Variants in RBFOX1 observed in about 807,000 individuals in gnomAD.
The protein encoded by RBFOX1 is RNA binding protein fox-1 homolog 1.
In RBFOX1, 8 loss-of-function variants were observed where a neutral mutation model predicts 57.7. That is an observed-to-expected ratio of 0.14 (90% confidence interval 0.08 to 0.25). The LOEUF is 0.25. Ranked by LOEUF, RBFOX1 falls within the 10% of genes least tolerant of loss-of-function variation. The pLI is 1.00. For missense variants in RBFOX1, 611 were observed against 548.5 expected, an observed-to-expected ratio of 1.11 and a Z score of -1.14; for synonymous variants, 326 against 222.4, an observed-to-expected ratio of 1.47 and a Z score of -4.15.
chr16:7,405,176 C>G (rs549601810), intron 4 of RBFOX1, among the ~76,000 whole-genome samples: 37 of 152,282 alleles, frequency 2.4e-4, no homozygotes, highest in African/African-American at 8.9e-4. Context: ...CTCATTCTAG[C>G]AAGAAAGCTC....
At chr16:6,949,174 C>G (rs762529503) in intron 3 of RBFOX1, among the ~76,000 whole-genome samples, 58 of 151,520 alleles carry the variant, frequency 3.8e-4, no homozygotes, top group African/African-American at 1.3e-3. Flanking sequence ...CCTGAAAAGT[C>G]TAAGGTCTAG....
intron 4 of RBFOX1, among the ~76,000 whole-genome samples, chr16:5,937,518 A>G (rs1324128652): frequency 1.3e-5 from 2 of 151,974 alleles, no homozygotes; most frequent in African/African-American, 2.4e-5. Flanking sequence ...TTTGCAGGCA[A>G]CTATATGATA....
chr16:6,553,393 A>G (rs1401158334), intron 2 of RBFOX1, among the ~76,000 whole-genome samples: 1 of 152,236 alleles, frequency 6.6e-6, no homozygotes, highest in African/African-American at 2.4e-5. Flanking sequence ...AACGTCTATC[A>G]AGGATGGATA....
intron 1 of RBFOX1, among the ~76,000 whole-genome samples, chr16:6,086,596 G>C (rs1186586326): frequency 1.3e-5 from 2 of 152,176 alleles, no homozygotes; most frequent in African/African-American, 4.8e-5. Flanking sequence ...CTATACTGCT[G>C]ACTGGGCTGG....
In RBFOX1 at chr16:6,654,563, G is replaced by C. The variant is rs568988826; in HGVS notation, c.-63-40G>C. The C allele has an allele frequency of 2.7e-5, 39 of 1,466,448 alleles. 1 individual carries two copies. In the East Asian group the frequency reaches 6.2e-4, roughly 23 times the overall value. The allele number at this position is 1,466,448 out of a possible 1,614,324, so 90.8% of individuals were successfully genotyped here. ...TTCTCTGACCATAAGTCTGACTCCT[G>C]TTCTTTCTCTCACTTTCCTTTCTTT... On this transcript the variant is annotated intron_variant, in intron 2 of 15. Coordinates refer to ENST00000550418, the MANE Select transcript of RBFOX1 (RefSeq NM_018723.4).
chr16:5,924,818 G>A (rs2058908119), intron 4 of RBFOX1, among the ~76,000 whole-genome samples: 1 of 152,092 alleles, frequency 6.6e-6, no homozygotes, highest in South Asian at 2.1e-4. Flanking sequence ...CAGATACTGT[G>A]TTCCTTCCCA....
At chr16:5,868,319 A>G (rs1345208957) in intron 4 of RBFOX1, among the ~76,000 whole-genome samples, 2 of 144,642 alleles carry the variant, frequency 1.4e-5, no homozygotes, top group African/African-American at 5.8e-5. Flanking sequence ...GGAGGTATTT[A>G]TATCCTACTG....
chr16:6,653,442 A>G (rs934865782), intron 2 of RBFOX1, among the ~76,000 whole-genome samples: 6 of 152,144 alleles, frequency 3.9e-5, no homozygotes, highest in African/African-American at 1.4e-4. Context: ...CTTCCATTTG[A>G]ATAAGTTAAT....
chr16:6,612,863 AAAT>A (rs60899951), intron 2 of RBFOX1, among the ~76,000 whole-genome samples: 4 of 132,242 alleles, frequency 3.0e-5, no homozygotes, highest in Admixed American at 7.9e-5. Flanking sequence ...AAAAAAAAAA[AAAT>A]AATAATAATA....
chr16:6,286,047 A>T (rs939865896), intron 1 of RBFOX1, among the ~76,000 whole-genome samples: 6 of 152,202 alleles, frequency 3.9e-5, no homozygotes, highest in African/African-American at 1.4e-4. Flanking sequence ...AATATTAATT[A>T]TACACCATTT....
rs114414144 is a variant in RBFOX1, at chr16:5,363,896, C to T, written c.220-103320C>T. ...CTGCCTAGGCGTTTGCCCTGGTGGA[C>T]GACCAGTGCTGACTGAGCTCTCGCC... is the stretch of plus-strand genomic sequence containing the variant. On this transcript the variant is annotated intron_variant, in intron 1 of 2. Transcript: ENST00000585867. Among the ~76,000 whole-genome samples, 1,201 of 152,278 alleles carry T rather than the reference C, an allele frequency of 7.9e-3. 17 individuals carry two copies. The highest frequency in any genetic ancestry group is 0.027 in the African/African-American group (1,139 of 41,538).
At chr16:6,578,348 C>T (rs147302484) in intron 2 of RBFOX1, among the ~76,000 whole-genome samples, 2 of 152,186 alleles carry the variant, frequency 1.3e-5, no homozygotes, top group South Asian at 2.1e-4. Flanking sequence ...GCAATGTCCC[C>T]GGGACACAGC....
At chr16:6,738,349 A>G (rs1188559911) in intron 3 of RBFOX1, among the ~76,000 whole-genome samples, 1 of 152,122 alleles carries the variant, frequency 6.6e-6, no homozygotes, top group African/African-American at 2.4e-5. Flanking sequence ...GTATTGAGGA[A>G]GTGGAACTGA....
intron 3 of RBFOX1, among the ~76,000 whole-genome samples, chr16:6,878,613 G>C (rs563926843): frequency 6.6e-6 from 1 of 152,152 alleles, no homozygotes; most frequent in Admixed American, 6.5e-5. Context: ...TGAACATTTT[G>C]TTTGTGTGTT....
intron 2 of RBFOX1, among the ~76,000 whole-genome samples, chr16:5,583,451 T>C (rs1596342303): frequency 6.6e-6 from 1 of 152,224 alleles, no homozygotes; most frequent in Admixed American, 6.5e-5. Context: ...AACGCCGAGC[T>C]CTAACCAAGC....
intron 3 of RBFOX1, among the ~76,000 whole-genome samples, chr16:6,809,933 C>A (rs2088004261): frequency 6.6e-6 from 1 of 151,984 alleles, no homozygotes; most frequent in African/African-American, 2.4e-5. Context: ...CCAAGATGAG[C>A]CTACCCGCTT....
chr16:7,053,786 G>A (rs970360776), intron 4 of RBFOX1, among the ~76,000 whole-genome samples: 1 of 152,140 alleles, frequency 6.6e-6, no homozygotes, highest in African/African-American at 2.4e-5. Context: ...TTAGTCCCAA[G>A]TATGGCTCCA....
intron 2 of RBFOX1, among the ~76,000 whole-genome samples, chr16:6,404,756 G>A (rs2093213943): frequency 6.6e-6 from 1 of 152,054 alleles, no homozygotes; most frequent in African/African-American, 2.4e-5. Context: ...GCTCCCTTAT[G>A]AGAACTTCAC....
chr16:7,025,044 C>T (rs1326464074), intron 3 of RBFOX1, among the ~76,000 whole-genome samples: 1 of 152,084 alleles, frequency 6.6e-6, no homozygotes, highest in Non-Finnish European at 1.5e-5. Flanking sequence ...CTCAGATCTC[C>T]CGCAAGACAA....
Sources: allele counts gnomAD v4.1 joint callset (sites outside exome capture counted in the v4.1 genomes callset), GRCh38; gene constraint gnomAD v4.1.1; transcripts MANE v1.5; gene names NCBI Gene and HGNC (gene_info 2026-07-23, HGNC 2026-07-21).